ANAPC11: variants seen among roughly 807,000 people sequenced by gnomAD.
The protein encoded by ANAPC11 is anaphase-promoting complex subunit 11.
A neutral mutation model predicts 11.8 loss-of-function variants in ANAPC11; 5 were observed. The observed-to-expected ratio is 0.42, with a 90% CI of 0.22 to 0.89. ANAPC11 has a LOEUF of 0.89. Ranked by LOEUF, ANAPC11 falls within the 40% of genes least tolerant of loss-of-function variation. ANAPC11 has a pLI of 0.28. For missense variants in ANAPC11, 68 were observed against 112.9 expected (o/e 0.60, Z 1.80); for synonymous variants, 45 against 41.0 (o/e 1.10, Z -0.38).
chr17:81,894,147 G>C (rs1444808547), intron 2 of ANAPC11, among the ~76,000 whole-genome samples: 1 of 151,654 alleles, frequency 6.6e-6, no homozygotes, highest in South Asian at 2.1e-4. Flanking sequence ...GTGGAGTCAC[G>C]TGCCTATAGC....
chr17:81,898,336 C>T (rs1378894955), intron 3 of ANAPC11: 1 of 152,278 alleles, frequency 6.6e-6, no homozygotes, highest in East Asian at 1.9e-4. Context: ...GGTGGGTCCA[C>T]AGGCAGCCTG....
intron 3 of ANAPC11, chr17:81,899,345 T>C: frequency 1.2e-6 from 2 of 1,613,722 alleles, no homozygotes; most frequent in Non-Finnish European, 1.7e-6. Flanking sequence ...TCAACACAGC[T>C]TCCCCAACGC....
At chr17:81,894,733 T>C (rs1475399903) in intron 3 of ANAPC11, 147 bp downstream of exon 3, 1 of 473,314 alleles carries the variant, frequency 2.1e-6, no homozygotes, top group Non-Finnish European at 3.6e-6. Context: ...TTTTTTTTTT[T>C]TGAGACCGAG....
upstream of ANAPC11, chr17:81,890,906 C>G (rs2039509545): frequency 5.1e-6 from 8 of 1,581,236 alleles, no homozygotes; most frequent in South Asian, 1.1e-5. Context: ...GACCCTTCCT[C>G]TTCCCGGCCT....
chr17:81,891,553 C>T, upstream of ANAPC11: 10 of 1,437,810 alleles, frequency 7.0e-6, no homozygotes, highest in Non-Finnish European at 8.2e-6. Context: ...TCCATTTTGT[C>T]GGCCATGGCG....
At chr17:81,891,458 G>A, upstream of ANAPC11, 1 of 1,056,506 alleles carries the variant, frequency 9.5e-7, no homozygotes, top group Non-Finnish European at 1.1e-6. Context: ...GGCCGCCCTG[G>A]GAGCCGGCCC....
upstream of ANAPC11, chr17:81,891,132 C>G: frequency 1.6e-6 from 1 of 612,626 alleles, no homozygotes; most frequent in Non-Finnish European, 2.5e-6. Context: ...GCCTCCGGGA[C>G]CGGACCCCGA....
intron 3 of ANAPC11, chr17:81,894,928 G>T: frequency 4.4e-6 from 1 of 229,306 alleles, no homozygotes; most frequent in Non-Finnish European, 8.4e-6. Context: ...TTGTTGGCTA[G>T]GCTGGCCTTG....
At chr17:81,891,342 C>A, upstream of ANAPC11, 1 of 1,153,474 alleles carries the variant, frequency 8.7e-7, no homozygotes. Flanking sequence ...GGGCGCCGGT[C>A]GGTTCCTGCC....
Position 81,899,853 on chromosome 17 carries a change from C to T in ANAPC11, c.110-67C>T, listed in dbSNP as rs116480717. On this transcript the variant is annotated intron_variant, in intron 3 of 3. Coordinates refer to ENST00000344877, the MANE Select transcript of ANAPC11 (RefSeq NM_001002248.3). Reference sequence around the variant, plus strand: ...CCAGGGTCCCTACCTGCACCCCTGCCTGGCTTGTCACATGCTCTGTGTCCA... The same window carrying T: ...CCAGGGTCCCTACCTGCACCCCTGCTTGGCTTGTCACATGCTCTGTGTCCA... 345 of 1,516,568 alleles carry T rather than the reference C, an allele frequency of 2.3e-4. 2 individuals carry two copies. In the African/African-American group the frequency reaches 4.2e-3, roughly 19 times the overall value. 93.9% of individuals were successfully genotyped at this position (1,516,568 alleles called of 1,614,324 possible).
At chr17:81,893,503 T>A (rs1453589430) in intron 1 of ANAPC11, 49 bp from the exon 2 acceptor site, 1 of 152,078 alleles carries the variant, frequency 6.6e-6, no homozygotes, top group Non-Finnish European at 1.5e-5. Context: ...GTGCTGGGAT[T>A]ACAAGCATGA....
intron 3 of ANAPC11, among the ~76,000 whole-genome samples, chr17:81,897,729 C>T (rs988065298): frequency 1.6e-4 from 24 of 152,272 alleles, no homozygotes; most frequent in Admixed American, 9.2e-4. Context: ...AGGGATCTGC[C>T]TGCCTTGGCA....
At chr17:81,891,622 G>A, upstream of ANAPC11, 2 of 1,343,672 alleles carry the variant, frequency 1.5e-6, no homozygotes, top group Middle Eastern at 4.2e-4. Flanking sequence ...CGTCACTTCC[G>A]GCGCCGCGTG....
In ANAPC11 at chr17:81,900,157, A is replaced by G; in HGVS notation, c.*92A>G. 1 of 1,557,502 alleles carries G rather than the reference A, an allele frequency of 6.4e-7. No individual in the cohort carries two copies. The highest frequency in any genetic ancestry group is 1.2e-5 in the South Asian group (1 of 85,570). On this transcript the variant is annotated 3_prime_UTR_variant, in exon 4 of 4. Transcript: ENST00000344877. ...CTGGGGACAGCGCCCCTGAGCTGCA[A>G]CAAGGTGGAAACAAGGGCTGGAGCT...
chr17:81,891,493 G>C, upstream of ANAPC11: 1 of 1,254,068 alleles, frequency 8.0e-7, no homozygotes, highest in Non-Finnish European at 1.0e-6. Flanking sequence ...CCCCCGCCCC[G>C]GCCGCCTCGC....
At chr17:81,899,898 T>C in intron 3 of ANAPC11, 22 bp from the exon 4 acceptor site, 1 of 1,601,858 alleles carries the variant, frequency 6.2e-7, no homozygotes, top group Non-Finnish European at 8.5e-7. Flanking sequence ...TGCCTGTCCT[T>C]TTCCCCACCT....
At chr17:81,897,125 C>T (rs1405429552) in intron 3 of ANAPC11, among the ~76,000 whole-genome samples, 5 of 152,178 alleles carry the variant, frequency 3.3e-5, no homozygotes, top group Non-Finnish European at 5.9e-5. Flanking sequence ...CTCAGCTTTC[C>T]GAATAGCTGG....
intron 3 of ANAPC11, among the ~76,000 whole-genome samples, chr17:81,897,648 TTA>T (rs995509849): frequency 1.5e-4 from 23 of 152,094 alleles, no homozygotes; most frequent in South Asian, 4.1e-4. Flanking sequence ...GGCTAATTTT[TTA>T]TTTTTTTATT....
upstream of ANAPC11, chr17:81,890,976 C>G (rs980979771): frequency 1.1e-5 from 13 of 1,146,386 alleles, no homozygotes; most frequent in African/African-American, 2.0e-4. Flanking sequence ...GCTGCCCCAG[C>G]CCGAGGCCGC....
Sources: allele counts gnomAD v4.1 joint callset (sites outside exome capture counted in the v4.1 genomes callset), GRCh38; gene constraint gnomAD v4.1.1; transcripts MANE v1.5; gene names NCBI Gene and HGNC (gene_info 2026-07-23, HGNC 2026-07-21).